CRTC3: variants seen among roughly 807,000 people sequenced by gnomAD.
CRTC3 encodes CREB regulated transcription coactivator 3.
In CRTC3, 26 loss-of-function variants were observed where a neutral mutation model predicts 74.5. The ratio of observed to expected loss-of-function variants is 0.35; its 90% confidence interval spans 0.26 to 0.48. CRTC3 has a LOEUF of 0.48. Among genes scored for constraint, CRTC3 ranks in the 20% least tolerant of loss-of-function variants. The pLI, the probability that CRTC3 is intolerant of heterozygous loss-of-function variation, is 0.99. For missense variants in CRTC3, 760 were observed against 787.3 expected, an observed-to-expected ratio of 0.97 and a Z score of 0.41; for synonymous variants, 377 against 325.8, an observed-to-expected ratio of 1.16 and a Z score of -1.69.
At chr15:90,533,121 A>G (rs35240628) in intron 1 of CRTC3, among the ~76,000 whole-genome samples, 1 of 71,908 alleles carries the variant, frequency 1.4e-5, no homozygotes, top group South Asian at 4.3e-4. Flanking sequence ...AAAAAAAAAA[A>G]GGCCGGGCGC....
rs146005950 is a variant in CRTC3 at position 90,553,760 on chromosome 15, G to C, written c.231+13623G>C. ...TGAGATCTTTAAAATACCCCTCCAA[G>C]TAATGTTTTAAAAGACTGAATCAGA... On this transcript the variant is annotated intron_variant, in intron 2 of 14. Coordinates refer to ENST00000268184, the MANE Select transcript of CRTC3 (RefSeq NM_022769.5). 1.4e-4 allele frequency among the ~76,000 whole-genome samples: 22 copies of C among 152,222 alleles called. No individual in the cohort carries two copies. The East Asian group carries it at 4.1e-3, about 28-fold the overall frequency.
rs1293630172 is a variant in CRTC3 at position 90,530,649 on chromosome 15, C to T, written c.132+446C>T. On this transcript the variant is annotated intron_variant, in intron 1 of 14. Coordinates refer to ENST00000268184, the MANE Select transcript of CRTC3 (RefSeq NM_022769.5). The surrounding 1 kb of genome is among the most constrained non-coding windows in gnomAD (Gnocchi z 6.2). Reference sequence around the variant, plus strand: ...GGAAGGCCGCGGGCACCCCAGGGTCCCACGCGCTCGTGGGGGGAGCTCTGT... The same window carrying T: ...GGAAGGCCGCGGGCACCCCAGGGTCTCACGCGCTCGTGGGGGGAGCTCTGT... 1.3e-5 allele frequency: 2 copies of T among 152,230 alleles called. No homozygotes were observed. Among genetic ancestry groups the T allele is most frequent in the Non-Finnish European group, 2.9e-5 (2 of 68,068 alleles). The allele number at this position is 152,230 out of a possible 1,614,324, so 9.4% of individuals were successfully genotyped here. A position where few individuals can be genotyped will look rare whatever the true frequency, so the allele number is the denominator to read the frequency against.
rs1211577148 is a variant in CRTC3, at chr15:90,644,210, TCTCA to T, written c.*2071_*2074del. On this transcript the variant is annotated 3_prime_UTR_variant, in exon 15 of 15. Transcript: ENST00000268184. Reference sequence around the variant, plus strand: ...CTTTCAGATCCCTTTGTGCTCAAGATCTCAGAGGGGGTGGCTTTTTGTTAAAGAG... The same window carrying T: ...CTTTCAGATCCCTTTGTGCTCAAGATGAGGGGGTGGCTTTTTGTTAAAGAG... 2 of 228,432 alleles carry T rather than the reference TCTCA, an allele frequency of 8.8e-6. No individual in the cohort carries two copies. The highest frequency in any genetic ancestry group is 4.4e-5 in the African/African-American group (2 of 45,056). The allele number at this position is 228,432 out of a possible 1,614,324, so 14.2% of individuals were successfully genotyped here. A position where few individuals can be genotyped will look rare whatever the true frequency, so the allele number is the denominator to read the frequency against.
intron 2 of CRTC3, among the ~76,000 whole-genome samples, chr15:90,592,827 G>A (rs1173672382): frequency 6.6e-6 from 1 of 152,196 alleles, no homozygotes; most frequent in Non-Finnish European, 1.5e-5. Flanking sequence ...ACTTGAGCCT[G>A]AGATGAGTGC....
At chr15:90,579,526 A>G (rs1967485574) in intron 2 of CRTC3, among the ~76,000 whole-genome samples, 1 of 151,846 alleles carries the variant, frequency 6.6e-6, no homozygotes, top group Admixed American at 6.6e-5. Flanking sequence ...AAAGCCTCAC[A>G]CTGGCTGTCC....
Position 90,625,655 on chromosome 15 carries a change from C to T in CRTC3, c.750-121C>T, listed in dbSNP as rs913161699. On this transcript the variant is annotated intron_variant, in intron 9 of 14. Coordinates refer to ENST00000268184, the MANE Select transcript of CRTC3 (RefSeq NM_022769.5). ...TGTTCTCAGAATCAGAGAGGCCGCA[C>T]CAGGACCTCGGTCTTTTGTAGCCAC... 1.4e-5 allele frequency: 12 copies of T among 872,018 alleles called. No individual in the cohort carries two copies. In the East Asian group the frequency reaches 2.9e-4, roughly 21 times the overall value. The allele number at this position is 872,018 out of a possible 1,614,324, so 54.0% of individuals were successfully genotyped here. A position where few individuals can be genotyped will look rare whatever the true frequency, so the allele number is the denominator to read the frequency against.
Position 90,645,214 on chromosome 15 carries a change from G to GC in CRTC3, c.*3074_*3075insC, listed in dbSNP as rs1330720522. ...GCAACTAATCAGACTTCCTGCCAGTGTCCTAACCCCCAGGGCACCCTGTTC... is the reference window on the plus strand; with the variant it reads ...GCAACTAATCAGACTTCCTGCCAGTGCTCCTAACCCCCAGGGCACCCTGTTC... On this transcript the variant is annotated 3_prime_UTR_variant, in exon 15 of 15. Transcript: ENST00000268184. The GC allele has an allele frequency of 3.9e-5, 9 of 229,446 alleles. No homozygotes were observed. The East Asian group carries it at 5.6e-4, about 14-fold the overall frequency. The allele number at this position is 229,446 out of a possible 1,614,324, so 14.2% of individuals were successfully genotyped here.
intron 3 of CRTC3, among the ~76,000 whole-genome samples, chr15:90,597,484 G>A (rs1373336191): frequency 2.0e-5 from 3 of 152,156 alleles, no homozygotes; most frequent in Admixed American, 6.5e-5. Context: ...GCTGGGCCTT[G>A]CTTTGATTCT....
chr15:90,593,939 T>C (rs1384868583), intron 3 of CRTC3, 184 bp downstream of exon 3: 1 of 521,412 alleles, frequency 1.9e-6, no homozygotes, highest in African/African-American at 1.9e-5. Flanking sequence ...GAAACATCAT[T>C]GTAGGTGTTT....
At chr15:90,568,105 A>C (rs972620709) in intron 2 of CRTC3, among the ~76,000 whole-genome samples, 1 of 152,210 alleles carries the variant, frequency 6.6e-6, no homozygotes, top group African/African-American at 2.4e-5. Context: ...TGGAAGAAGT[A>C]ACTGCAGATG....
intron 7 of CRTC3, among the ~76,000 whole-genome samples, chr15:90,616,420 T>C (rs28631028): frequency 0.013 from 1,959 of 152,366 alleles, 48 homozygotes; most frequent in African/African-American, 0.045. Flanking sequence ...TTTTAGAGTT[T>C]TTGTTTCAAA....
intron 11 of CRTC3, among the ~76,000 whole-genome samples, chr15:90,634,168 G>C (rs1458369957): frequency 2.0e-5 from 3 of 151,636 alleles, no homozygotes; most frequent in Non-Finnish European, 4.4e-5. Context: ...CTGGAGTGCA[G>C]TGGTGTGATC....
At chr15:90,577,298 T>C (rs1967429439) in intron 2 of CRTC3, among the ~76,000 whole-genome samples, 1 of 152,190 alleles carries the variant, frequency 6.6e-6, no homozygotes. Context: ...GATCCTGTTC[T>C]TTGAGGACCA....
At chr15:90,556,428 A>G (rs1265795700) in intron 2 of CRTC3, among the ~76,000 whole-genome samples, 1 of 152,194 alleles carries the variant, frequency 6.6e-6, no homozygotes, top group Non-Finnish European at 1.5e-5. Flanking sequence ...TTGGATATTT[A>G]TTACCTTAAG....
intron 2 of CRTC3, among the ~76,000 whole-genome samples, chr15:90,542,021 T>G (rs1966811129): frequency 1.3e-5 from 2 of 152,074 alleles, no homozygotes; most frequent in South Asian, 2.1e-4. Context: ...TGACCTCAAG[T>G]AATCCACCCA....
chr15:90,543,037 CT>C (rs1966828450), intron 2 of CRTC3, among the ~76,000 whole-genome samples: 2 of 151,120 alleles, frequency 1.3e-5, no homozygotes, highest in Non-Finnish European at 2.9e-5. Flanking sequence ...TGGCTCACAC[CT>C]GTAATCCCAG....
chr15:90,629,187 G>T (rs773835632), intron 10 of CRTC3, 47 bp from the exon 11 acceptor site: 3 of 1,560,210 alleles, frequency 1.9e-6, no homozygotes, highest in Admixed American at 3.6e-5. Context: ...GAATACAAAA[G>T]ATTTGGTCTG....
At chr15:90,590,134 TA>T (rs1436302313) in intron 2 of CRTC3, among the ~76,000 whole-genome samples, 1 of 150,336 alleles carries the variant, frequency 6.7e-6, no homozygotes, top group Non-Finnish European at 1.5e-5. Context: ...CTACTAAAAA[TA>T]CAAAAAAATT....
At chr15:90,605,989 C>T (rs1968208459) in intron 5 of CRTC3, among the ~76,000 whole-genome samples, 1 of 152,244 alleles carries the variant, frequency 6.6e-6, no homozygotes. Context: ...GGCGCAGTGG[C>T]TCATGCCTGT....
Sources: gnomAD v4.1 joint callset for allele counts (sites outside exome capture counted in the v4.1 genomes callset) on GRCh38, gnomAD v4.1.1 for gene constraint, Gnocchi (gnomAD v3.1) non-coding constraint, MANE v1.5 for transcripts, NCBI Gene and HGNC (gene_info 2026-07-23, HGNC 2026-07-21) for gene names.